ZBBX: variants seen among roughly 807,000 people sequenced by gnomAD.
ZBBX encodes zinc finger B-box domain containing.
A neutral mutation model predicts 108.5 loss-of-function variants in ZBBX; 101 were observed. The observed-to-expected ratio is 0.93, with a 90% CI of 0.79 to 1.10. The LOEUF (loss-of-function observed/expected upper bound fraction) is 1.10, where lower values mean the gene tolerates loss of function less well. Among genes scored for constraint, ZBBX ranks in the 50% least tolerant of loss-of-function variants. The pLI, the probability that ZBBX is intolerant of heterozygous loss-of-function variation, is 0.00. For synonymous variants in ZBBX, 356 were observed against 323.4 expected (o/e 1.10, Z -1.08); for missense variants, 1,009 against 941.4 (o/e 1.07, Z -0.94).
At chr3:167,315,039 G>T (rs1038533476) in intron 15 of ZBBX, among the ~76,000 whole-genome samples, 2 of 152,070 alleles carry the variant, frequency 1.3e-5, no homozygotes, top group Non-Finnish European at 2.9e-5. Flanking sequence ...TCTGTTCAGG[G>T]GAATCACTCA....
At chr3:167,213,749 G>A in the ZBBX span, among the ~76,000 whole-genome samples, 58 of 152,064 alleles carry the variant, frequency 3.8e-4, no homozygotes, top group Non-Finnish European at 3.5e-4. Context: ...TTCCAAGGTC[G>A]AAATGAAAGA....
intron 1 of ZBBX, among the ~76,000 whole-genome samples, chr3:167,396,031 C>T (rs1577146523): frequency 6.6e-6 from 1 of 152,082 alleles, no homozygotes; most frequent in Middle Eastern, 3.4e-3. Flanking sequence ...AGGAAGAAGA[C>T]AGTTGTCATG....
intron 8 of ZBBX, among the ~76,000 whole-genome samples, chr3:167,356,494 T>C (rs1003178339): frequency 1.3e-5 from 2 of 152,130 alleles, no homozygotes; most frequent in African/African-American, 4.8e-5. Context: ...TGTAACATAA[T>C]ATACAAATAT....
intron 19 of ZBBX, among the ~76,000 whole-genome samples, chr3:167,283,907 G>C (rs2108534718): frequency 6.6e-6 from 1 of 152,036 alleles, no homozygotes; most frequent in East Asian, 1.9e-4. Flanking sequence ...TACCAAAGTG[G>C]AGTTTGTCTT....
chr3:167,218,068 AGAT>A, the ZBBX span, among the ~76,000 whole-genome samples: 1 of 151,992 alleles, frequency 6.6e-6, no homozygotes. Flanking sequence ...AGTGGGAGCT[AGAT>A]GATAAGAACT....
chr3:167,286,482 T>C (rs1219293640), intron 19 of ZBBX, among the ~76,000 whole-genome samples: 1 of 152,132 alleles, frequency 6.6e-6, no homozygotes, highest in Non-Finnish European at 1.5e-5. Flanking sequence ...ATTCACTCAC[T>C]GACTATAAAT....
intron 20 of ZBBX, chr3:167,252,090 G>T (rs1576779148): frequency 1.6e-6 from 2 of 1,235,394 alleles, no homozygotes; most frequent in East Asian, 1.1e-4. Flanking sequence ...TCTGATATCA[G>T]CCACAGCAAT....
At chr3:167,292,390 A>G (rs1196449922) in intron 18 of ZBBX, among the ~76,000 whole-genome samples, 1 of 152,238 alleles carries the variant, frequency 6.6e-6, no homozygotes, top group Non-Finnish European at 1.5e-5. Context: ...AATCAGGATT[A>G]AGAAACTCAC....
At chr3:167,193,768 T>C in the ZBBX span, among the ~76,000 whole-genome samples, 2,006 of 152,244 alleles carry the variant, frequency 0.013, 53 homozygotes, top group African/African-American at 0.046. Context: ...ATGTGACCTA[T>C]ATAATCAGTG....
chr3:167,326,300 G>T (rs553640598), intron 11 of ZBBX, among the ~76,000 whole-genome samples: 1 of 152,090 alleles, frequency 6.6e-6, no homozygotes, highest in African/African-American at 2.4e-5. Context: ...TCATTTTTTT[G>T]TGTGAGTATG....
chr3:167,200,204 G>A, the ZBBX span, among the ~76,000 whole-genome samples: 4 of 152,004 alleles, frequency 2.6e-5, no homozygotes, highest in East Asian at 5.8e-4. Context: ...CACATTCTCA[G>A]GGTCTAGGTG....
chr3:167,264,763 C>T (rs1725183341), intron 20 of ZBBX, among the ~76,000 whole-genome samples: 1 of 152,238 alleles, frequency 6.6e-6, no homozygotes, highest in Non-Finnish European at 1.5e-5. Flanking sequence ...TTCTATTCTA[C>T]TGCAGCTAAG....
chr3:167,224,029 G>C, the ZBBX span, among the ~76,000 whole-genome samples: 3 of 151,858 alleles, frequency 2.0e-5, no homozygotes, highest in African/African-American at 7.2e-5. Context: ...GATCTGCTTG[G>C]CAGACATGCC....
the ZBBX span, among the ~76,000 whole-genome samples, chr3:167,220,626 A>G: frequency 6.6e-6 from 1 of 151,972 alleles, no homozygotes; most frequent in East Asian, 1.9e-4. Context: ...CACAGCTGGT[A>G]TCTATACTGA....
chr3:167,241,076 T>C (rs1720587943), intron 21 of ZBBX, among the ~76,000 whole-genome samples, 157 bp from the exon 22 acceptor site: 1 of 152,152 alleles, frequency 6.6e-6, no homozygotes, highest in Admixed American at 6.5e-5. Flanking sequence ...ATGTGCCCAA[T>C]ATACCAAGCC....
At chr3:167,376,892 GA>G (rs1394367345) in intron 2 of ZBBX, among the ~76,000 whole-genome samples, 1 of 152,174 alleles carries the variant, frequency 6.6e-6, no homozygotes, top group African/African-American at 2.4e-5. Context: ...CCTTTCTGGG[GA>G]TAGCAAGGAT....
intron 20 of ZBBX, among the ~76,000 whole-genome samples, chr3:167,255,360 G>T (rs1723319646): frequency 6.6e-6 from 1 of 151,862 alleles, no homozygotes; most frequent in Non-Finnish European, 1.5e-5. Flanking sequence ...ATCAAGAGAT[G>T]AAATCAAGAT....
At chr3:167,279,547 G>T (rs1295301217) in intron 20 of ZBBX, among the ~76,000 whole-genome samples, 2 of 149,874 alleles carry the variant, frequency 1.3e-5, no homozygotes, top group South Asian at 2.1e-4. Flanking sequence ...CAAGGGATGT[G>T]AAGGACCTCT....
intron 20 of ZBBX, among the ~76,000 whole-genome samples, chr3:167,275,047 G>A (rs934973850): frequency 6.6e-6 from 1 of 151,930 alleles, no homozygotes; most frequent in Admixed American, 6.6e-5. Context: ...TTTTTGTGGT[G>A]GAAAAACATT....
Sources: gnomAD v4.1 joint callset for allele counts (sites outside exome capture counted in the v4.1 genomes callset) on GRCh38, gnomAD v4.1.1 for gene constraint, MANE v1.5 for transcripts, NCBI Gene and HGNC (gene_info 2026-07-23, HGNC 2026-07-21) for gene names.